ITGA8: variants seen among roughly 807,000 people sequenced by gnomAD.
ITGA8 encodes the protein integrin subunit alpha 8, also known as integrin alpha-8.
ITGA8 carries 91 observed loss-of-function variants against 142.3 expected under a neutral mutation model. The ratio of observed to expected loss-of-function variants is 0.64; its 90% CI spans 0.54 to 0.76. The LOEUF is 0.76. Ranked by LOEUF, ITGA8 falls within the 30% of genes least tolerant of loss-of-function variation. ITGA8 has a pLI of 0.00. For missense variants in ITGA8, 1,406 were observed against 1,327.7 expected (o/e 1.06, Z -0.92); for synonymous variants, 505 against 485.2 (o/e 1.04, Z -0.54).
intron 13 of ITGA8, among the ~76,000 whole-genome samples, chr10:15,619,664 T>C (rs1474140153): frequency 6.6e-6 from 1 of 152,224 alleles, no homozygotes; most frequent in Non-Finnish European, 1.5e-5. Context: ...TATGTTTACA[T>C]GTATTCTTTC....
chr10:15,708,042 C>T (rs537131952), intron 2 of ITGA8, among the ~76,000 whole-genome samples: 41 of 151,576 alleles, frequency 2.7e-4, no homozygotes, highest in African/African-American at 7.5e-4. Context: ...TTCCACTTGT[C>T]GCTGGCTGTT....
At chr10:15,678,321 G>A (rs1229694605) in intron 5 of ITGA8, among the ~76,000 whole-genome samples, 4 of 151,876 alleles carry the variant, frequency 2.6e-5, no homozygotes, top group Admixed American at 1.3e-4. Flanking sequence ...TTTTTGAAAG[G>A]ATATATGAAT....
At position 15,575,249 on chromosome 10, in the gene ITGA8, G is replaced by C. The variant is rs3740124; in HGVS notation, c.2478+240C>G. On this transcript the variant is annotated intron_variant, in intron 24 of 29. Transcript: ENST00000378076. Reference sequence around the variant, plus strand: ...AGAAAAAAATACAAAAATTAGCCAGGTGTGGTGGTGTGTACCTGTAGTCCC... The same window carrying C: ...AGAAAAAAATACAAAAATTAGCCAGCTGTGGTGGTGTGTACCTGTAGTCCC... Among the ~76,000 whole-genome samples, 27,529 of 151,930 alleles carry C rather than the reference G, an allele frequency of 0.18. 3,478 individuals are homozygous for C. Among genetic ancestry groups the C allele is most frequent in the East Asian group, 0.4 (2,047 of 5,134 alleles).
chr10:15,531,230 T>C, intron 27 of ITGA8, 79 bp from the exon 28 acceptor site: 2 of 761,826 alleles, frequency 2.6e-6, no homozygotes, highest in Non-Finnish European at 3.9e-6. Flanking sequence ...TAATTATTTT[T>C]GGTGTTTTGC....
intron 11 of ITGA8, among the ~76,000 whole-genome samples, chr10:15,654,838 A>C (rs1427572995): frequency 2.0e-5 from 3 of 150,140 alleles, no homozygotes; most frequent in Non-Finnish European, 4.5e-5. Flanking sequence ...GTTTAATCAT[A>C]ATTTATTTTT....
At position 15,514,020 on chromosome 10, in the gene ITGA8, G is replaced by A. The variant is rs570977923; in HGVS notation, c.*3138C>T. 1 of 152,160 alleles carries A rather than the reference G, an allele frequency of 6.6e-6. No homozygotes were observed. The highest frequency in any genetic ancestry group is 2.1e-4 in the South Asian group (1 of 4,804). 9.4% of individuals were successfully genotyped at this position (152,160 alleles called of 1,614,324 possible). On this transcript the variant is annotated 3_prime_UTR_variant, in exon 30 of 30. Transcript: ENST00000378076. ...CATGAAAATCTTCACAGATATCTAC[G>A]CACGTATTTAAATAAAACAAGAGTC... is the stretch of plus-strand genomic sequence containing the variant.
chr10:15,664,425 T>C (rs1393846533), intron 8 of ITGA8, among the ~76,000 whole-genome samples: 1 of 152,142 alleles, frequency 6.6e-6, no homozygotes, highest in Non-Finnish European at 1.5e-5. Flanking sequence ...ACTTTATGAT[T>C]TTCTGCTTTG....
intron 13 of ITGA8, among the ~76,000 whole-genome samples, chr10:15,624,693 A>G (rs1430161769): frequency 2.0e-5 from 3 of 152,170 alleles, no homozygotes; most frequent in Non-Finnish European, 2.9e-5. Context: ...CATCCTGCCA[A>G]TCCTCTTCCC....
intron 2 of ITGA8, among the ~76,000 whole-genome samples, chr10:15,702,476 A>G (rs993851473): frequency 3.3e-5 from 5 of 152,156 alleles, no homozygotes; most frequent in African/African-American, 1.2e-4. Flanking sequence ...TTTTTGATAG[A>G]GATGGGGTTT....
chr10:15,673,023 G>A (rs1834557424), intron 6 of ITGA8, among the ~76,000 whole-genome samples: 1 of 152,192 alleles, frequency 6.6e-6, no homozygotes, highest in East Asian at 1.9e-4. Flanking sequence ...AAGTATCCAA[G>A]AGTGGAGGCC....
chr10:15,638,838 A>C (rs1343117221), intron 13 of ITGA8, among the ~76,000 whole-genome samples: 2 of 152,118 alleles, frequency 1.3e-5, no homozygotes, highest in African/African-American at 2.4e-5. Flanking sequence ...AGTAAATTTT[A>C]AAAGGATCCT....
intron 18 of ITGA8, among the ~76,000 whole-genome samples, chr10:15,606,022 C>A (rs1039497834): frequency 6.6e-6 from 1 of 152,192 alleles, no homozygotes; most frequent in Non-Finnish European, 1.5e-5. Context: ...GCAACTCTGC[C>A]TATGGCTTGA....
At chr10:15,552,141 T>G (rs917400059) in intron 26 of ITGA8, among the ~76,000 whole-genome samples, 18 of 149,380 alleles carry the variant, frequency 1.2e-4, no homozygotes, top group Non-Finnish European at 2.1e-4. Flanking sequence ...TGATTTTTCT[T>G]TCTTTTTTTT....
intron 4 of ITGA8, among the ~76,000 whole-genome samples, chr10:15,682,308 A>G (rs1211926309): frequency 2.0e-5 from 3 of 152,182 alleles, no homozygotes; most frequent in African/African-American, 7.2e-5. Context: ...TTTCCTAAAC[A>G]TAGAAGAGTT....
rs1564402785 is a variant in ITGA8 at position 15,672,845 on chromosome 10, G to T, written c.677-96C>A. 9 of 1,335,866 alleles carry T rather than the reference G, an allele frequency of 6.7e-6. No individual in the cohort carries two copies. The South Asian group carries it at 6.9e-5, about 10-fold the overall frequency. 82.8% of individuals were successfully genotyped at this position (1,335,866 alleles called of 1,614,324 possible). A position where few individuals can be genotyped will look rare whatever the true frequency, so the allele number is the denominator to read the frequency against. ...TTCCCTTGAAAGCTATGGTGGAATTGCTTGCTTTTTTGATGATGAATTTTC... is the reference window on the plus strand; with the variant it reads ...TTCCCTTGAAAGCTATGGTGGAATTTCTTGCTTTTTTGATGATGAATTTTC... On this transcript the variant is annotated intron_variant, in intron 6 of 29. Transcript: ENST00000378076.
Position 15,644,150 on chromosome 10 carries a change from C to T in ITGA8, c.1279G>A (p.Asp427Asn). The change falls in exon 13 of 30, where the codon GAT becomes AAT. Residue 427 changes from aspartate to asparagine, a missense_variant. Physicochemically the swap from Asp to Asn is conservative, Grantham distance 23 (BLOSUM62 1). Coordinates refer to ENST00000378076, the MANE Select transcript of ITGA8 (RefSeq NM_003638.3). Reference sequence around the variant, plus strand: ...TGGGAAGGCTTGGTGTTTAAGCCATCTTTGTTCCCATTATAAATGAGCACT... The same window carrying T: ...TGGGAAGGCTTGGTGTTTAAGCCATTTTTGTTCCCATTATAAATGAGCACT... ...GKVLIYNGNK[D>N]GLNTKPSQVL... 1.2e-6 allele frequency: 2 copies of T among 1,614,176 alleles called. No individual in the cohort carries two copies. Among genetic ancestry groups the T allele is most frequent in the Non-Finnish European group, 1.7e-6 (2 of 1,180,030 alleles).
At chr10:15,529,800 C>T (rs558878660) in intron 28 of ITGA8, among the ~76,000 whole-genome samples, 2 of 152,270 alleles carry the variant, frequency 1.3e-5, no homozygotes, top group South Asian at 2.1e-4. Context: ...ACTTATCTAC[C>T]ATCCAAAGCA....
At chr10:15,681,366 G>A (rs944359103) in intron 4 of ITGA8, among the ~76,000 whole-genome samples, 1 of 152,192 alleles carries the variant, frequency 6.6e-6, no homozygotes, top group African/African-American at 2.4e-5. Context: ...GGGAGACCAG[G>A]AGGATGTGAA....
chr10:15,537,897 C>T (rs1833479285), intron 27 of ITGA8, among the ~76,000 whole-genome samples: 1 of 151,894 alleles, frequency 6.6e-6, no homozygotes, highest in African/African-American at 2.4e-5. Flanking sequence ...GCAAGAGGAT[C>T]ACTTGAACCC....
Sources: gnomAD v4.1 joint callset for allele counts (sites outside exome capture counted in the v4.1 genomes callset) on GRCh38, gnomAD v4.1.1 for gene constraint, MANE v1.5 for transcripts, NCBI Gene and HGNC (gene_info 2026-07-23, HGNC 2026-07-21) for gene names.